N4BP2L1: variants seen among roughly 807,000 people sequenced by gnomAD.
N4BP2L1 encodes the protein NEDD4-binding protein 2-like 1.
N4BP2L1 carries 12 observed loss-of-function variants against 21.2 expected under a neutral mutation model. That is an observed-to-expected ratio of 0.57 (90% CI 0.36 to 0.92). The LOEUF (loss-of-function observed/expected upper bound fraction) is 0.92. Among genes scored for constraint, N4BP2L1 ranks in the 40% least tolerant of loss-of-function variants. N4BP2L1 has a pLI of 0.01. For missense variants in N4BP2L1, 259 were observed against 310.6 expected, an observed-to-expected ratio of 0.83 and a Z score of 1.25; for synonymous variants, 104 against 112.8, an observed-to-expected ratio of 0.92 and a Z score of 0.49.
Position 32,403,125 on chromosome 13 carries a change from G to A in N4BP2L1, c.549C>T (p.His183=). ...KERYEHDVTF[H]SVLHAEKPSR... ...TTGGCTTTTCTGCATGAAGCACACT[G>A]TGAAAAGTAACATCGTGTTCATACC... The change falls in exon 5 of 5, where the codon CAC becomes CAT. Residue 183 remains histidine, a synonymous_variant. Coordinates refer to ENST00000380130, the MANE Select transcript of N4BP2L1 (RefSeq NM_052818.3). 6.2e-7 allele frequency: 1 copy of A among 1,614,028 alleles called. No individual in the cohort carries two copies. The highest frequency in any genetic ancestry group is 8.5e-7 in the Non-Finnish European group (1 of 1,179,986).
At chr13:32,403,254 T>G (rs578131085) in intron 4 of N4BP2L1, 54 bp from the exon 5 acceptor site, 5 of 1,524,606 alleles carry the variant, frequency 3.3e-6, no homozygotes, top group Non-Finnish European at 4.4e-6. Context: ...ATGAGTTACT[T>G]ATATTTTACA....
chr13:32,421,187 A>G (rs1402777985), intron 1 of N4BP2L1, among the ~76,000 whole-genome samples: 1 of 152,248 alleles, frequency 6.6e-6, no homozygotes, highest in Non-Finnish European at 1.5e-5. Flanking sequence ...GCTGGACAGA[A>G]TAAAGTTCCT....
Position 32,401,829 on chromosome 13 carries a change from G to T in N4BP2L1, c.*1113C>A. On this transcript the variant is annotated 3_prime_UTR_variant, in exon 5 of 5. Transcript: ENST00000380130. ...CACAGAACATTAGAAAGAAGCTGTT[G>T]GCCAACAAGAAATAGAGCATACGTC... is the stretch of plus-strand genomic sequence containing the variant. 1.6e-6 allele frequency: 1 copy of T among 640,342 alleles called. No individual in the cohort carries two copies. The highest frequency in any genetic ancestry group is 2.0e-5 in the African/African-American group (1 of 50,562). 39.7% of individuals were successfully genotyped at this position (640,342 alleles called of 1,614,324 possible).
upstream of N4BP2L1, among the ~76,000 whole-genome samples, chr13:32,428,877 A>G (rs1287101979): frequency 2.6e-5 from 4 of 152,238 alleles, no homozygotes; most frequent in African/African-American, 4.8e-5. Context: ...ATAGAGAAGT[A>G]TCCAGACTGA....
At chr13:32,411,435 T>C in intron 1 of N4BP2L1, 2 of 768,114 alleles carry the variant, frequency 2.6e-6, no homozygotes, top group Non-Finnish European at 3.2e-6. Flanking sequence ...GCATGTTGAA[T>C]AGGCAGGACA....
chr13:32,427,838 G>T (rs1344415720), intron 1 of N4BP2L1, 66 bp downstream of exon 1: 31 of 1,150,870 alleles, frequency 2.7e-5, no homozygotes, highest in Non-Finnish European at 3.3e-5. Context: ...TGGGGCAGGG[G>T]TGCGCTCGGC....
intron 1 of N4BP2L1, chr13:32,419,387 G>A (rs563549206): frequency 6.3e-5 from 26 of 411,726 alleles, no homozygotes; most frequent in African/African-American, 1.1e-4. Flanking sequence ...CCAGGATTAC[G>A]GGTGCTTGCC....
At chr13:32,427,278 C>A (rs1465648895) in intron 1 of N4BP2L1, among the ~76,000 whole-genome samples, 1 of 152,238 alleles carries the variant, frequency 6.6e-6, no homozygotes, top group Non-Finnish European at 1.5e-5. Context: ...CCAAAGCAAA[C>A]GCAGGCTCCC....
chr13:32,428,015 T>G lies in N4BP2L1; in HGVS notation c.68A>C (p.Gln23Pro), dbSNP rs951831886. Residue 23 changes from glutamine (Q) to proline (P), a missense_variant, in exon 1 of 5, where the codon CAG (glutamine) becomes CCG (proline). Gln to Pro is a moderately conservative substitution (Grantham distance 76). Around this residue, in one of 3 missense-constraint regions of N4BP2L1, gnomAD observed 60 missense variants for 54.7 expected, o/e 1.10. Transcript: ENST00000380130. ...SLQPQQQQQRQRPPRPPPRGT... is the reference protein window; with the variant it reads ...SLQPQQQQQRPRPPRPPPRGT... ...CCGCGGGGGCGGCCGGGGCGGCCGC[T>G]GCCGCTGCTGCTGCTGCTGGGGCTG... The G allele has an allele frequency of 1.9e-6, 3 of 1,560,326 alleles. No individual in the cohort carries two copies. Among genetic ancestry groups the G allele is most frequent in the Non-Finnish European group, 2.6e-6 (3 of 1,155,644 alleles).
intron 3 of N4BP2L1, chr13:32,406,988 A>C (rs911081847): frequency 1.3e-5 from 6 of 474,796 alleles, no homozygotes; most frequent in Non-Finnish European, 2.3e-5. Flanking sequence ...TAAGACAGAA[A>C]AGTTATCAAG....
intron 1 of N4BP2L1, among the ~76,000 whole-genome samples, chr13:32,415,160 G>A (rs1475745340): frequency 6.6e-6 from 1 of 152,188 alleles, no homozygotes; most frequent in African/African-American, 2.4e-5. Flanking sequence ...GGACCCAGGA[G>A]TCTAGCATCT....
chr13:32,411,419 A>G, intron 1 of N4BP2L1: 2 of 607,822 alleles, frequency 3.3e-6, no homozygotes, highest in Non-Finnish European at 4.1e-6. Context: ...ACTAGCAGCC[A>G]TAGTAGCATG....
At chr13:32,405,887 GC>G (rs776509094) in intron 3 of N4BP2L1, among the ~76,000 whole-genome samples, 29 of 127,314 alleles carry the variant, frequency 2.3e-4, no homozygotes, top group African/African-American at 8.3e-4. Context: ...TCTGCTTCCT[GC>G]CCCCTTTTTT....
chr13:32,413,424 G>T (rs2073966592), intron 1 of N4BP2L1, among the ~76,000 whole-genome samples: 1 of 152,132 alleles, frequency 6.6e-6, no homozygotes, highest in Admixed American at 6.5e-5. Flanking sequence ...GTTTCCTAGT[G>T]ATTAAACCCA....
chr13:32,427,831 G>C, intron 1 of N4BP2L1, 73 bp downstream of exon 1: 1 of 1,090,708 alleles, frequency 9.2e-7, no homozygotes, highest in Non-Finnish European at 1.2e-6. Flanking sequence ...AGCGGCTTGG[G>C]GCAGGGGTGC....
In N4BP2L1 at chr13:32,427,977, G is replaced by C; in HGVS notation, c.106C>G (p.Arg36Gly). ...PRPPPRGTPP[R>G]RHSFRKHLYL... Reference sequence around the variant, plus strand: ...AGGTGTTTCCTAAAGCTGTGGCGGCGAGGAGGTGTCCCCCGCGGGGGCGGC... The same window carrying C: ...AGGTGTTTCCTAAAGCTGTGGCGGCCAGGAGGTGTCCCCCGCGGGGGCGGC... The change falls in exon 1 of 5, where the codon CGC (arginine) becomes GGC (glycine). Residue 36 changes from arginine to glycine, a missense_variant. Arg to Gly is a moderately radical substitution (Grantham distance 125, BLOSUM62 -2). Coordinates refer to ENST00000380130, the MANE Select transcript of N4BP2L1 (RefSeq NM_052818.3). 2 of 1,551,830 alleles carry C rather than the reference G, an allele frequency of 1.3e-6. No individual in the cohort carries two copies. The highest frequency in any genetic ancestry group is 1.7e-6 in the Non-Finnish European group (2 of 1,150,422).
chr13:32,419,912 C>T (rs1442323215), intron 1 of N4BP2L1, among the ~76,000 whole-genome samples: 1 of 152,186 alleles, frequency 6.6e-6, no homozygotes, highest in East Asian at 1.9e-4. Context: ...TTCCATGGCT[C>T]AGCAGCCTGA....
chr13:32,413,201 C>G (rs771416985), intron 1 of N4BP2L1, among the ~76,000 whole-genome samples: 1 of 152,208 alleles, frequency 6.6e-6, no homozygotes, highest in African/African-American at 2.4e-5. Context: ...GCTGGGATTA[C>G]AGGCATGAGC....
At chr13:32,424,996 A>G (rs1179254683) in intron 1 of N4BP2L1, 2 of 152,202 alleles carry the variant, frequency 1.3e-5, no homozygotes, top group Non-Finnish European at 2.9e-5. Context: ...ATGAACCCAC[A>G]TTTGTAAAAA....
Sources: allele counts gnomAD v4.1 joint callset (sites outside exome capture counted in the v4.1 genomes callset), GRCh38; gene constraint gnomAD v4.1.1; regional missense constraint gnomAD v4.1.1; transcripts MANE v1.5; gene names NCBI Gene and HGNC (gene_info 2026-07-23, HGNC 2026-07-21).